The following KIRREL3 variants were observed in gnomAD, a reference collection of about 807,000 sequenced individuals.
The protein encoded by KIRREL3 is kin of IRRE-like protein 3.
Under a neutral mutation model 89.7 loss-of-function variants are expected in KIRREL3, and 36 were observed. The observed-to-expected ratio is 0.40, with a 90% confidence interval of 0.31 to 0.53. The LOEUF (loss-of-function observed/expected upper bound fraction) is 0.53. Among genes scored for constraint, KIRREL3 ranks in the 20% least tolerant of loss-of-function variants. KIRREL3 has a pLI of 0.49. For missense variants in KIRREL3, 864 were observed against 1,056.6 expected (o/e 0.82, Z 2.53); for synonymous variants, 445 against 441.4 (o/e 1.01, Z -0.10).
intron 1 of KIRREL3, among the ~76,000 whole-genome samples, chr11:126,721,665 G>A (rs1948176446): frequency 6.6e-6 from 1 of 152,238 alleles, no homozygotes; most frequent in Middle Eastern, 3.2e-3. Flanking sequence ...AGAGATTGAA[G>A]GCCAAGGCTT....
In KIRREL3 at chr11:126,993,866, T is replaced by C. The variant is rs1193470347; in HGVS notation, c.55+6589A>G. ...ATTGCTGCAACTCTTGGCCTCAGAT[T>C]TCAGATTCCAGTTGTCCAGGCATAA... is the stretch of plus-strand genomic sequence containing the variant. On this transcript the variant is annotated intron_variant, in intron 1 of 16. Transcript: ENST00000525144. This position sits in a 1 kb window ranked among gnomAD's most constrained non-coding sequence, Gnocchi z 6.1. 6.6e-6 allele frequency among the ~76,000 whole-genome samples: 1 copy of C among 152,164 alleles called. No homozygotes were observed. Among genetic ancestry groups the C allele is most frequent in the Non-Finnish European group, 1.5e-5 (1 of 68,018 alleles).
At position 126,454,894 on chromosome 11, in the gene KIRREL3, T is replaced by C. The variant is rs1158754942; in HGVS notation, c.848+1455A>G. On this transcript the variant is annotated intron_variant, in intron 7 of 16. Coordinates refer to ENST00000525144, the MANE Select transcript of KIRREL3 (RefSeq NM_032531.4). The surrounding 1 kb of genome is among the most constrained non-coding windows in gnomAD (Gnocchi z 5.8). ...GGTTTCATCCTATTTAAAAATATCC[T>C]TGGGGATAGGAACTCTGGGCTCTGC... Among the ~76,000 whole-genome samples the C allele has an allele frequency of 6.6e-6, 1 of 152,166 alleles. No homozygotes were observed. The highest frequency in any genetic ancestry group is 1.5e-5 in the Non-Finnish European group (1 of 68,026).
At position 126,648,005 on chromosome 11, in the gene KIRREL3, G is replaced by C. The variant is rs185355220; in HGVS notation, c.56-85093C>G. Among the ~76,000 whole-genome samples, 19 of 152,288 alleles carry C rather than the reference G, an allele frequency of 1.2e-4. No homozygotes were observed. In the East Asian group the frequency reaches 2.3e-3, roughly 19 times the overall value. ...TCATATTGTAATCCCCAGTGTTGGA[G>C]GAGGGGCCTGGTAGGAGGTGATTGG... is the stretch of plus-strand genomic sequence containing the variant. On this transcript the variant is annotated intron_variant, in intron 1 of 16. Transcript: ENST00000525144.
chr11:126,828,571 C>T (rs925500114), intron 1 of KIRREL3, among the ~76,000 whole-genome samples: 3 of 152,166 alleles, frequency 2.0e-5, no homozygotes, highest in Non-Finnish European at 2.9e-5. Flanking sequence ...GTCAACGCAG[C>T]AGACATGAAG....
rs1249133954 is a variant in KIRREL3 at position 126,867,875 on chromosome 11, G to A, written c.55+132580C>T. Reference sequence around the variant, plus strand: ...TGCAATAAAACTGTGGACTCCCCACGGATGCCATGCATGTCTTATATATCT... The same window carrying A: ...TGCAATAAAACTGTGGACTCCCCACAGATGCCATGCATGTCTTATATATCT... On this transcript the variant is annotated intron_variant, in intron 1 of 16. Coordinates refer to ENST00000525144, the MANE Select transcript of KIRREL3 (RefSeq NM_032531.4). This position sits in a 1 kb window ranked among gnomAD's most constrained non-coding sequence, Gnocchi z 4.7. Among the ~76,000 whole-genome samples the A allele has an allele frequency of 2.0e-5, 3 of 152,082 alleles. No homozygotes were observed. The highest frequency in any genetic ancestry group is 2.9e-5 in the Non-Finnish European group (2 of 68,016).
At chr11:126,952,262 T>G (rs1412298595) in intron 1 of KIRREL3, among the ~76,000 whole-genome samples, 1 of 152,148 alleles carries the variant, frequency 6.6e-6, no homozygotes, top group Non-Finnish European at 1.5e-5. Context: ...GGCACATGCC[T>G]GTAATCCCAG....
chr11:126,582,803 A>G (rs1324353933), intron 1 of KIRREL3, among the ~76,000 whole-genome samples: 1 of 152,250 alleles, frequency 6.6e-6, no homozygotes, highest in African/African-American at 2.4e-5. Flanking sequence ...CCCTTGCAAC[A>G]CTGACGTATT....
intron 4 of KIRREL3, 82 bp from the exon 5 acceptor site, chr11:126,473,548 G>A (rs1956984519): frequency 8.3e-7 from 1 of 1,211,522 alleles, no homozygotes; most frequent in Admixed American, 2.6e-5. Context: ...ATTTTGTGGA[G>A]ATGGCAACAA....
rs554302475 is a variant in KIRREL3, at chr11:126,640,181, C to T, written c.56-77269G>A. Among the ~76,000 whole-genome samples the T allele has an allele frequency of 1.3e-5, 2 of 152,232 alleles. No individual in the cohort carries two copies. The highest frequency in any genetic ancestry group is 6.5e-5 in the Admixed American group (1 of 15,298). ...TATGATTTTCTGTCTATCTCACTCA[C>T]CCTTCAGCTGGTGAGTGGTCCCCGA... On this transcript the variant is annotated intron_variant, in intron 1 of 16. Coordinates refer to ENST00000525144, the MANE Select transcript of KIRREL3 (RefSeq NM_032531.4). This position sits in a 1 kb window ranked among gnomAD's most constrained non-coding sequence, Gnocchi z 4.9.
chr11:126,509,711 T>C (rs764241634), intron 4 of KIRREL3, among the ~76,000 whole-genome samples: 60 of 152,122 alleles, frequency 3.9e-4, no homozygotes, highest in Admixed American at 2.6e-4. Flanking sequence ...AGCACTCAAA[T>C]TGGGCCCAGC....
chr11:126,646,512 T>C (rs1054114948), intron 1 of KIRREL3, among the ~76,000 whole-genome samples: 13 of 150,090 alleles, frequency 8.7e-5, no homozygotes, highest in African/African-American at 3.2e-4. Context: ...TCTCGTTCTG[T>C]TGCTCAGGCT....
chr11:126,857,452 C>T (rs1459309130), intron 1 of KIRREL3, among the ~76,000 whole-genome samples: 1 of 152,208 alleles, frequency 6.6e-6, no homozygotes, highest in Non-Finnish European at 1.5e-5. Flanking sequence ...CATCCTAGAG[C>T]TTCCCAGCAG....
rs995119347 is a variant in KIRREL3, at chr11:126,555,311, CAA to C, written c.133+7522_133+7523del. 6.6e-6 allele frequency among the ~76,000 whole-genome samples: 1 copy of C among 152,186 alleles called. No homozygotes were observed. The highest frequency in any genetic ancestry group is 1.5e-5 in the Non-Finnish European group (1 of 68,040). On this transcript the variant is annotated intron_variant, in intron 2 of 16. Transcript: ENST00000525144. The surrounding 1 kb of genome is among the most constrained non-coding windows in gnomAD (Gnocchi z 4.2). ...AACAAGCCACTCCAGTTCCCACCCA[CAA>C]AGAGGGTCAAGGTTAAGGGAATTAT...
chr11:126,539,139 T>C (rs1410028225), intron 2 of KIRREL3, among the ~76,000 whole-genome samples: 2 of 152,162 alleles, frequency 1.3e-5, no homozygotes, highest in African/African-American at 2.4e-5. Flanking sequence ...AGTTTCCCCA[T>C]TGGTTTAGCA....
rs1195586423 is a variant in KIRREL3 at position 126,465,184 on chromosome 11, C to T, written c.592-1877G>A. 5.9e-5 allele frequency among the ~76,000 whole-genome samples: 9 copies of T among 152,230 alleles called. No homozygotes were observed. In the South Asian group the frequency reaches 1.9e-3, roughly 32 times the overall value. ...CCTCACTATGGGTGCAGTCCTGTTT[C>T]CCCCGACTGGAGCCAGGGAGTAGAT... On this transcript the variant is annotated intron_variant, in intron 5 of 16. Transcript: ENST00000525144.
rs1178462899 is a variant in KIRREL3, at chr11:126,454,741, C to T, written c.848+1608G>A. The stretch of plus-strand genomic sequence containing the variant: ...GACCACAGCCAAACCAGACTTGCCC[C>T]CTGGACCTGGCTGGACCCACATGAT... On this transcript the variant is annotated intron_variant, in intron 7 of 16. Transcript: ENST00000525144. The surrounding 1 kb of genome is among the most constrained non-coding windows in gnomAD (Gnocchi z 5.8). 6.6e-6 allele frequency among the ~76,000 whole-genome samples: 1 copy of T among 152,114 alleles called. No homozygotes were observed. Among genetic ancestry groups the T allele is most frequent in the Non-Finnish European group, 1.5e-5 (1 of 68,024 alleles).
intron 1 of KIRREL3, among the ~76,000 whole-genome samples, chr11:126,929,958 C>T (rs953412269): frequency 6.6e-6 from 1 of 152,076 alleles, no homozygotes; most frequent in Admixed American, 6.5e-5. Flanking sequence ...ACCCCCCCCC[C>T]CCCACCTCAC....
chr11:126,568,297 G>A lies in KIRREL3; in HGVS notation c.56-5385C>T, dbSNP rs184143609. ...TTCAGCACTGGTGCAGATGATGGAT[G>A]GGAGATGAGCTCAGAGAAGGGAGGC... is the stretch of plus-strand genomic sequence containing the variant. On this transcript the variant is annotated intron_variant, in intron 1 of 16. Transcript: ENST00000525144. The surrounding 1 kb of genome is among the most constrained non-coding windows in gnomAD (Gnocchi z 4.6). Among the ~76,000 whole-genome samples, 155 of 152,316 alleles carry A rather than the reference G, an allele frequency of 1.0e-3. 1 individual carries two copies. The highest frequency in any genetic ancestry group is 3.2e-3 in the African/African-American group (133 of 41,568).
At chr11:126,932,808 C>A (rs541956039) in intron 1 of KIRREL3, among the ~76,000 whole-genome samples, 1 of 152,200 alleles carries the variant, frequency 6.6e-6, no homozygotes, top group Admixed American at 6.5e-5. Context: ...CTCCTGGCCA[C>A]GTTTCTCTTC....
Sources: gnomAD v4.1 joint callset for allele counts (sites outside exome capture counted in the v4.1 genomes callset) on GRCh38, gnomAD v4.1.1 for gene constraint, Gnocchi (gnomAD v3.1) non-coding constraint, MANE v1.5 for transcripts, NCBI Gene and HGNC (gene_info 2026-07-23, HGNC 2026-07-21) for gene names.